P3H2: variants seen among roughly 807,000 people sequenced by gnomAD.
P3H2 encodes leprecan-like 1.
In P3H2, 80 loss-of-function variants were observed where a neutral mutation model predicts 87.0. The observed-to-expected ratio is 0.92, with a 90% CI of 0.77 to 1.11. P3H2 has a LOEUF of 1.11. Ranked by LOEUF, P3H2 falls within the 50% of genes least tolerant of loss-of-function variation. P3H2 has a pLI of 0.00. For missense variants in P3H2, 1,001 were observed against 923.9 expected, an observed-to-expected ratio of 1.08 and a Z score of -1.08; for synonymous variants, 367 against 359.3, an observed-to-expected ratio of 1.02 and a Z score of -0.24.
Position 189,957,981 on chromosome 3 carries a change from C to T in P3H2, c.2058G>A (p.Val686=), listed in dbSNP as rs890485547. The change falls in exon 15 of 15, where the codon GTG becomes GTA. Residue 686 remains valine, a synonymous_variant. Coordinates refer to ENST00000319332, the MANE Select transcript of P3H2 (RefSeq NM_018192.4). ...GCTGTTCTTGATCCAGAATTGCAATCACTTCATCAGCCTGTATTCGCTCCT... is the reference window on the plus strand; with the variant it reads ...GCTGTTCTTGATCCAGAATTGCAATTACTTCATCAGCCTGTATTCGCTCCT... ...RELERIQADE[V]IAILDQEQQG... is the part of the protein sequence containing the mutation. 6.2e-7 allele frequency: 1 copy of T among 1,613,668 alleles called. No homozygotes were observed. Among genetic ancestry groups the T allele is most frequent in the African/African-American group, 1.3e-5 (1 of 75,032 alleles).
chr3:190,120,741 C>T lies in P3H2; in HGVS notation c.-10G>A. 2 of 1,518,606 alleles carry T rather than the reference C, an allele frequency of 1.3e-6. No homozygotes were observed. Among genetic ancestry groups the T allele is most frequent in the Non-Finnish European group, 8.8e-7 (1 of 1,140,534 alleles). The allele number at this position is 1,518,606 out of a possible 1,614,324, so 94.1% of individuals were successfully genotyped here. A position where few individuals can be genotyped will look rare whatever the true frequency, so the allele number is the denominator to read the frequency against. ...AGATGCGCTCCCGCATCCTCCGCCTCAGAGAGGCGCGGGACGGTTACGCTC... is the reference window on the plus strand; with the variant it reads ...AGATGCGCTCCCGCATCCTCCGCCTTAGAGAGGCGCGGGACGGTTACGCTC... On this transcript the variant is annotated 5_prime_UTR_variant, in exon 1 of 15. Coordinates refer to ENST00000319332, the MANE Select transcript of P3H2 (RefSeq NM_018192.4).
intron 1 of P3H2, among the ~76,000 whole-genome samples, chr3:190,026,548 G>A (rs1255175810): frequency 6.6e-6 from 1 of 152,200 alleles, no homozygotes; most frequent in East Asian, 1.9e-4. Flanking sequence ...ACCTCAGGAA[G>A]TTACCCTATA....
intron 1 of P3H2, among the ~76,000 whole-genome samples, chr3:190,031,442 A>T (rs1035479214): frequency 1.4e-4 from 1 of 7,034 alleles, no homozygotes; most frequent in African/African-American, 4.7e-4. Context: ...GTTCGAGACG[A>T]GTCTGGCCAA....
rs544904386 is a variant in P3H2, at chr3:190,047,296, T to C, written c.481-51854A>G. Among the ~76,000 whole-genome samples, 9 of 152,296 alleles carry C rather than the reference T, an allele frequency of 5.9e-5. 1 individual carries two copies. The South Asian group carries it at 1.9e-3, about 32-fold the overall frequency. ...TAGAGATACAAATCAGTGCAGCCAC[T>C]ATGGAAACCAATATGGAAACAGTAT... On this transcript the variant is annotated intron_variant, in intron 1 of 14. Coordinates refer to ENST00000319332, the MANE Select transcript of P3H2 (RefSeq NM_018192.4).
intron 1 of P3H2, among the ~76,000 whole-genome samples, chr3:190,112,944 A>G (rs1712130800): frequency 6.6e-6 from 1 of 152,232 alleles, no homozygotes; most frequent in Admixed American, 6.5e-5. Context: ...AAAAAAAGAC[A>G]GGAGGAATTA....
At chr3:189,980,494 C>T (rs1310511980) in intron 8 of P3H2, among the ~76,000 whole-genome samples, 1 of 151,864 alleles carries the variant, frequency 6.6e-6, no homozygotes, top group African/African-American at 2.4e-5. Context: ...ACCCAGGAGG[C>T]GGACGTTGCA....
intron 12 of P3H2, 25 bp from the exon 13 acceptor site, chr3:189,970,916 T>C (rs1270172814): frequency 1.6e-6 from 2 of 1,280,118 alleles, no homozygotes; most frequent in African/African-American, 1.5e-5. Flanking sequence ...AGAAAACTAT[T>C]TGTATTATTA....
Position 189,963,595 on chromosome 3 carries a change from C to T in P3H2, c.2034+363G>A, listed in dbSNP as rs9818051. On this transcript the variant is annotated intron_variant, in intron 14 of 14. Coordinates refer to ENST00000319332, the MANE Select transcript of P3H2 (RefSeq NM_018192.4). ...GAGTAACTGGAACTACAGGCGCATG[C>T]CACCACATCCAGCTAATTTTGTATT... is the stretch of plus-strand genomic sequence containing the variant. 6.0e-3 allele frequency: 1,536 copies of T among 255,416 alleles called. 21 individuals are homozygous for T. Among genetic ancestry groups the T allele is most frequent in the African/African-American group, 0.032 (1,454 of 45,378 alleles). 15.8% of individuals were successfully genotyped at this position (255,416 alleles called of 1,614,324 possible).
At chr3:190,075,485 CA>C (rs58622114) in intron 1 of P3H2, among the ~76,000 whole-genome samples, 1,608 of 118,834 alleles carry the variant, frequency 0.014, 29 homozygotes, top group African/African-American at 0.043. Context: ...AACTCCGTCT[CA>C]AAAAAAAAAA....
intron 1 of P3H2, among the ~76,000 whole-genome samples, chr3:190,036,895 C>T (rs1725441897): frequency 6.6e-6 from 1 of 152,018 alleles, no homozygotes. Flanking sequence ...CATGGAAAAA[C>T]TGAATCATCA....
At position 189,994,700 on chromosome 3, in the gene P3H2, A is replaced by T. The variant is rs1297909697; in HGVS notation, c.634-417T>A. On this transcript the variant is annotated intron_variant, in intron 2 of 14. Transcript: ENST00000319332. ...TTAATATTTTCTAAAATCTTTCCTT[A>T]TCCTTTTCTGTGATAATTTTGGAGG... 2.0e-5 allele frequency among the ~76,000 whole-genome samples: 3 copies of T among 147,506 alleles called. No individual in the cohort carries two copies. The East Asian group carries it at 5.9e-4, about 29-fold the overall frequency.
intron 1 of P3H2, among the ~76,000 whole-genome samples, chr3:190,008,865 TG>T (rs111792813): frequency 7.9e-5 from 12 of 151,638 alleles, no homozygotes; most frequent in African/African-American, 2.9e-4. Context: ...GTAGTGAATC[TG>T]GGGGGTGGGG....
intron 1 of P3H2, among the ~76,000 whole-genome samples, chr3:190,102,924 A>G (rs551326057): frequency 6.6e-6 from 1 of 152,332 alleles, no homozygotes; most frequent in Non-Finnish European, 1.5e-5. Context: ...GTCAGCAGCC[A>G]CCAACACTGA....
chr3:190,077,761 T>G lies in P3H2; in HGVS notation c.480+42491A>C, dbSNP rs1462654622. ...TAAGCAGAGGAAATGTTTTTAGACA[T>G]GTATTTAGGAAGAGATGCAACTACG... On this transcript the variant is annotated intron_variant, in intron 1 of 14. Coordinates refer to ENST00000319332, the MANE Select transcript of P3H2 (RefSeq NM_018192.4). Among the ~76,000 whole-genome samples the G allele has an allele frequency of 1.3e-5, 2 of 152,174 alleles. 1 individual carries two copies.
At position 189,971,875 on chromosome 3, in the gene P3H2, A is replaced by G. The variant is rs748436035; in HGVS notation, c.1817+15T>C. 1.4e-6 allele frequency: 2 copies of G among 1,433,618 alleles called. No individual in the cohort carries two copies. Among genetic ancestry groups the G allele is most frequent in the Admixed American group, 1.7e-5 (1 of 59,810 alleles). 88.8% of individuals were successfully genotyped at this position (1,433,618 alleles called of 1,614,324 possible). On this transcript the variant is annotated intron_variant, in intron 12 of 14. Coordinates refer to ENST00000319332, the MANE Select transcript of P3H2 (RefSeq NM_018192.4). ...TTAGGTAAAAGCTTTGTTTTGAAGC[A>G]GGTTCTAGCTATACCTATAGTCTCG...
intron 1 of P3H2, among the ~76,000 whole-genome samples, chr3:190,004,496 C>G (rs1460678008): frequency 1.3e-5 from 2 of 152,074 alleles, no homozygotes; most frequent in African/African-American, 4.8e-5. Flanking sequence ...CATTCTCCTG[C>G]CTCAGCCTCC....
intron 1 of P3H2, among the ~76,000 whole-genome samples, chr3:190,115,045 T>C (rs6801014): frequency 0.15 from 23,460 of 152,094 alleles, 2,089 homozygotes; most frequent in African/African-American, 0.24. Context: ...AGAGTTTACT[T>C]TGTTTTCCCC....
At chr3:190,115,427 G>GAAA in intron 1 of P3H2, among the ~76,000 whole-genome samples, 1 of 112,068 alleles carries the variant, frequency 8.9e-6, no homozygotes, top group Admixed American at 9.3e-5. Flanking sequence ...AAAAGTGGGA[G>GAAA]AAAAAAAAAA....
intron 1 of P3H2, among the ~76,000 whole-genome samples, chr3:190,015,352 A>G (rs1279298353): frequency 6.6e-6 from 1 of 152,216 alleles, no homozygotes; most frequent in African/African-American, 2.4e-5. Flanking sequence ...CTTAAATAGT[A>G]TAATCTGCTT....
Sources: gnomAD v4.1 joint callset for allele counts (sites outside exome capture counted in the v4.1 genomes callset) on GRCh38, gnomAD v4.1.1 for gene constraint, MANE v1.5 for transcripts, NCBI Gene and HGNC (gene_info 2026-07-23, HGNC 2026-07-21) for gene names.